Variants in DMXL2 observed in about 807,000 individuals in gnomAD.
The protein encoded by DMXL2 is dmX-like protein 2.
DMXL2 carries 103 observed loss-of-function variants against 331.1 expected under a neutral mutation model. That is an observed-to-expected ratio of 0.31 (90% CI 0.27 to 0.37). The LOEUF is 0.37. DMXL2 is among the 10% of genes least tolerant of loss of function. DMXL2 has a pLI of 1.00. For synonymous variants in DMXL2, 1,281 were observed against 1,252.1 expected (o/e 1.02, Z -0.49); for missense variants, 3,171 against 3,642.9 (o/e 0.87, Z 3.33).
chr15:51,506,450 CTTTT>C (rs531570148), intron 16 of DMXL2, among the ~76,000 whole-genome samples: 3 of 121,948 alleles, frequency 2.5e-5, no homozygotes, highest in Admixed American at 8.5e-5. Context: ...AGCAATTCTG[CTTTT>C]TTTTTTTTTT....
chr15:51,499,304 G>A lies in DMXL2; in HGVS notation c.3920C>T (p.Ala1307Val), dbSNP rs150532847. 19 of 1,613,704 alleles carry A rather than the reference G, an allele frequency of 1.2e-5. No individual in the cohort carries two copies. Among genetic ancestry groups the A allele is most frequent in the Admixed American group, 1.7e-5 (1 of 60,006 alleles). ...DHSTFKSNMLARKSVVEGTAI... is the reference protein window; with the variant it reads ...DHSTFKSNMLVRKSVVEGTAI... ...TGTTCCTTCAACAACACTTTTTCTT[G>A]CCAGCATATTAGATTTAAAGGTCGA... is the stretch of plus-strand genomic sequence containing the variant. The change falls in exon 18 of 44, where the codon GCA (alanine) becomes GTA (valine). Residue 1307 changes from alanine to valine, a missense_variant. By Grantham distance (64) the Ala-to-Val change is moderately conservative. Coordinates refer to ENST00000560891, the MANE Select transcript of DMXL2 (RefSeq NM_001378457.1).
rs2039871860 is a variant in DMXL2 at position 51,458,770 on chromosome 15, C to T, written c.8015G>A (p.Gly2672Asp). The T allele has an allele frequency of 6.2e-7, 1 of 1,613,876 alleles. No homozygotes were observed. Among genetic ancestry groups the T allele is most frequent in the African/African-American group, 1.3e-5 (1 of 74,910 alleles). ...CTTATGGATGACTTTCGCCTTTCCA[C>T]CTGGATAGCCCAGATCAGCTTCAAC... ...IKVEADLGYP[G>D]GKAKVIHKES... is the part of the protein sequence containing the mutation. Residue 2672 changes from glycine to aspartate, a missense_variant, in exon 35 of 44, where the codon GGT becomes GAT. Transcript: ENST00000560891.
intron 23 of DMXL2, among the ~76,000 whole-genome samples, chr15:51,482,733 G>C (rs2042105084): frequency 6.6e-6 from 1 of 152,176 alleles, no homozygotes; most frequent in Admixed American, 6.5e-5. Context: ...GAAGAATTCA[G>C]AAACCTGAAG....
chr15:51,574,300 G>A (rs1174203140), intron 2 of DMXL2, among the ~76,000 whole-genome samples: 1 of 152,120 alleles, frequency 6.6e-6, no homozygotes, highest in Non-Finnish European at 1.5e-5. Context: ...TTTCTTGAAG[G>A]CTATTTCTAA....
intron 42 of DMXL2, 114 bp downstream of exon 42, chr15:51,451,531 T>A: frequency 1.2e-6 from 1 of 807,730 alleles, no homozygotes; most frequent in South Asian, 1.9e-5. Context: ...TTTCTCCATT[T>A]TCAACCTGTC....
At chr15:51,453,717 C>CATATAGTATGT in intron 40 of DMXL2, 76 bp from the exon 41 acceptor site, 2 of 1,185,510 alleles carry the variant, frequency 1.7e-6, no homozygotes, top group Non-Finnish European at 2.5e-6. Flanking sequence ...TACATGTCTG[C>CATATAGTATGT]TAATAACATA....
intron 13 of DMXL2, 138 bp from the exon 14 acceptor site, chr15:51,517,305 C>G: frequency 1.6e-6 from 1 of 618,142 alleles, no homozygotes; most frequent in Non-Finnish European, 2.9e-6. Flanking sequence ...CAAAGAAATA[C>G]TTCAACTTTC....
chr15:51,586,141 C>G (rs964057960), intron 1 of DMXL2, among the ~76,000 whole-genome samples: 2 of 152,038 alleles, frequency 1.3e-5, no homozygotes, highest in African/African-American at 2.4e-5. Context: ...AGGAACTAGA[C>G]AGTATGAAGA....
At chr15:51,566,556 T>C (rs1038557565) in intron 3 of DMXL2, among the ~76,000 whole-genome samples, 1 of 152,168 alleles carries the variant, frequency 6.6e-6, no homozygotes, top group Non-Finnish European at 1.5e-5. Flanking sequence ...CCTAAATGTT[T>C]AGTATGTGCT....
At chr15:51,449,270 G>A in intron 43 of DMXL2, 77 bp from the exon 44 acceptor site, 2 of 1,454,706 alleles carry the variant, frequency 1.4e-6, no homozygotes, top group South Asian at 2.3e-5. Context: ...TGCTCCCTTG[G>A]CCCAAGTGAT....
Position 51,458,617 on chromosome 15 carries a change from T to A in DMXL2, c.8087A>T (p.Asn2696Ile). Reference protein sequence around the residue: ...MAFSVNKANCNEIVLASTHDV... With the variant: ...MAFSVNKANCIEIVLASTHDV... The stretch of plus-strand genomic sequence containing the variant: ...ATGTGTTGAAGCCAAAACAATTTCA[T>A]TACAATTTGCCTATAAAGCAAAGGC... The change falls in exon 36 of 44, where the codon AAT becomes ATT. Residue 2696 changes from asparagine to isoleucine, a missense_variant. Asn to Ile is a moderately radical substitution (Grantham distance 149). Transcript: ENST00000560891. The A allele has an allele frequency of 1.2e-6, 2 of 1,613,966 alleles. No homozygotes were observed.
chr15:51,611,918 A>T (rs2053996382), intron 1 of DMXL2, among the ~76,000 whole-genome samples: 1 of 152,190 alleles, frequency 6.6e-6, no homozygotes, highest in Non-Finnish European at 1.5e-5. Flanking sequence ...CAAGTAAGGG[A>T]ATAAAAGCTG....
intron 32 of DMXL2, 54 bp from the exon 33 acceptor site, chr15:51,463,550 A>G: frequency 2.0e-6 from 2 of 985,626 alleles, no homozygotes; most frequent in Non-Finnish European, 3.0e-6. Context: ...AAATATGTTT[A>G]TATTTGCAGA....
At chr15:51,602,085 C>CT (rs899187817) in intron 1 of DMXL2, among the ~76,000 whole-genome samples, 9 of 152,266 alleles carry the variant, frequency 5.9e-5, no homozygotes, top group African/African-American at 1.9e-4. Context: ...CACAGAACAG[C>CT]TATTTGAGGA....
chr15:51,575,920 T>G (rs2141130881), intron 2 of DMXL2, 136 bp downstream of exon 2: 1 of 855,120 alleles, frequency 1.2e-6, no homozygotes, highest in Non-Finnish European at 1.8e-6. Context: ...AACCTATCAC[T>G]TTGCAACTTC....
At chr15:51,596,385 C>A (rs1482919239) in intron 1 of DMXL2, among the ~76,000 whole-genome samples, 1 of 152,146 alleles carries the variant, frequency 6.6e-6, no homozygotes, top group Non-Finnish European at 1.5e-5. Flanking sequence ...CATCTCACAC[C>A]AGTTAGAATG....
rs137899703 is a variant in DMXL2 at position 51,448,674 on chromosome 15, G to A, written c.*310C>T. 13 of 340,674 alleles carry A rather than the reference G, an allele frequency of 3.8e-5. No individual in the cohort carries two copies. Among genetic ancestry groups the A allele is most frequent in the South Asian group, 1.4e-4 (4 of 27,788 alleles). The allele number at this position is 340,674 out of a possible 1,614,324, so 21.1% of individuals were successfully genotyped here. ...TTTTCTTCCTTAATTTGGTATAAAC[G>A]TCCTTTTCATTATTTCAAGTTACTA... On this transcript the variant is annotated 3_prime_UTR_variant, in exon 44 of 44. Transcript: ENST00000560891.
At chr15:51,531,997 A>G (rs995778147) in intron 13 of DMXL2, among the ~76,000 whole-genome samples, 1 of 152,212 alleles carries the variant, frequency 6.6e-6, no homozygotes, top group Admixed American at 6.5e-5. Flanking sequence ...GACCTACCAT[A>G]CAATCCAGCA....
intron 18 of DMXL2, among the ~76,000 whole-genome samples, chr15:51,496,658 G>A (rs1250435084): frequency 6.6e-6 from 1 of 152,206 alleles, no homozygotes; most frequent in Non-Finnish European, 1.5e-5. Flanking sequence ...AAAGAATAAA[G>A]CAGTTAGGAG....
Sources: allele counts gnomAD v4.1 joint callset (sites outside exome capture counted in the v4.1 genomes callset), GRCh38; gene constraint gnomAD v4.1.1; transcripts MANE v1.5; gene names NCBI Gene and HGNC (gene_info 2026-07-23, HGNC 2026-07-21).